C4BPA: variants seen among roughly 807,000 people sequenced by gnomAD.
The protein encoded by C4BPA is C4b-binding protein alpha chain.
Under a neutral mutation model 63.7 loss-of-function variants are expected in C4BPA, and 31 were observed. The observed-to-expected ratio is 0.49, with a 90% CI of 0.37 to 0.66. The LOEUF (loss-of-function observed/expected upper bound fraction) is 0.66. C4BPA is among the 30% of genes least tolerant of loss of function. The probability of loss-of-function intolerance (pLI) is 0.00; values close to 1 mark genes in which losing one functional copy is unlikely to be tolerated. For missense variants in C4BPA, 572 were observed against 723.3 expected, an observed-to-expected ratio of 0.79 and a Z score of 2.40; for synonymous variants, 259 against 254.7, an observed-to-expected ratio of 1.02 and a Z score of -0.16.
intron 7 of C4BPA, 141 bp from the exon 8 acceptor site, chr1:207,131,405 G>A (rs956582853): frequency 1.6e-6 from 1 of 607,440 alleles, no homozygotes; most frequent in African/African-American, 1.9e-5. Context: ...GTTTTCTGGT[G>A]TGGTTGATAC....
chr1:207,111,918 ATTTCT>A (rs1399364619), intron 1 of C4BPA, among the ~76,000 whole-genome samples: 2 of 152,140 alleles, frequency 1.3e-5, no homozygotes, highest in East Asian at 1.9e-4. Context: ...GACAAGGACT[ATTTCT>A]TTTCTTAATT....
chr1:207,113,042 C>A lies in C4BPA; in HGVS notation c.17C>A (p.Thr6Asn). MHPPK[T>N]PSGALHRKRK... ...CAGCAGGCCATGCACCCCCCAAAAA[C>A]TCCATCTGGGGCTCTTCATAGAAAA... Residue 6 changes from threonine (T) to asparagine (N), a missense_variant, in exon 2 of 12, where the codon ACT becomes AAT. This residue lies in a region of C4BPA where 107 missense variants were observed against 93.9 expected (regional missense o/e 1.14). Coordinates refer to ENST00000367070, the MANE Select transcript of C4BPA (RefSeq NM_000715.4). 6.3e-7 allele frequency: 1 copy of A among 1,599,504 alleles called. No individual in the cohort carries two copies. Among genetic ancestry groups the A allele is most frequent in the Middle Eastern group, 1.7e-4 (1 of 6,024 alleles).
At chr1:207,121,439 C>T (rs1168037656) in intron 4 of C4BPA, among the ~76,000 whole-genome samples, 1 of 98,156 alleles carries the variant, frequency 1.0e-5, no homozygotes, top group Non-Finnish European at 2.5e-5. Flanking sequence ...AAATTATTAT[C>T]TTTGGTTTTC....
intron 10 of C4BPA, 97 bp downstream of exon 10, chr1:207,141,373 A>C: frequency 1.1e-6 from 1 of 926,462 alleles, no homozygotes; most frequent in Non-Finnish European, 1.6e-6. Context: ...GCAGCATGAA[A>C]ACATTTGATT....
chr1:207,109,931 G>A (rs1475200992), intron 1 of C4BPA, among the ~76,000 whole-genome samples: 1 of 152,232 alleles, frequency 6.6e-6, no homozygotes, highest in Non-Finnish European at 1.5e-5. Context: ...TACACTGTAA[G>A]GGGAGACACT....
intron 7 of C4BPA, among the ~76,000 whole-genome samples, chr1:207,130,792 T>C (rs942237392): frequency 6.6e-6 from 1 of 152,112 alleles, no homozygotes; most frequent in East Asian, 1.9e-4. Flanking sequence ...TGTCAGGACC[T>C]AGGGGGAGGT....
intron 9 of C4BPA, among the ~76,000 whole-genome samples, chr1:207,138,246 A>G (rs761888803): frequency 6.6e-6 from 1 of 152,206 alleles, no homozygotes; most frequent in Non-Finnish European, 1.5e-5. Flanking sequence ...ACAGGTAGGA[A>G]TTGGGTTTTC....
Position 207,124,219 on chromosome 1 carries a change from A to T in C4BPA, c.559A>T (p.Ser187Cys). The T allele has an allele frequency of 6.2e-7, 1 of 1,613,996 alleles. No individual in the cohort carries two copies. Among genetic ancestry groups the T allele is most frequent in the Non-Finnish European group, 8.5e-7 (1 of 1,179,916 alleles). ...TCCAGACATCAGGAATGGAAGGCAC[A>T]GCGGTGAAGAAAATTTCTACGCATA... is the stretch of plus-strand genomic sequence containing the variant. The part of the protein sequence containing the change: ...PPPDIRNGRH[S>C]GEENFYAYGF... The change falls in exon 6 of 12, where the codon AGC becomes TGC. Residue 187 changes from serine to cysteine, a missense_variant. Physicochemically the swap from Ser to Cys is moderately radical, Grantham distance 112 (BLOSUM62 -1). Around this residue, in one of 2 missense-constraint regions of C4BPA, gnomAD observed 465 missense variants for 629.4 expected, o/e 0.74. Transcript: ENST00000367070.
In C4BPA at chr1:207,127,036, T is replaced by A. The variant is rs2491394; in HGVS notation, c.889+141T>A. On this transcript the variant is annotated intron_variant, in intron 7 of 11. Transcript: ENST00000367070. ...CTAGATCAATAATTTCCTTTATTTT[T>A]TTCTTGTTGGAAAGAAGAATGATTT... 174,644 of 625,276 alleles carry A rather than the reference T, an allele frequency of 0.28. 26,171 individuals are homozygous for A. The highest frequency in any genetic ancestry group is 0.45 in the African/African-American group (24,419 of 53,954). The allele number at this position is 625,276 out of a possible 1,614,324, so 38.7% of individuals were successfully genotyped here.
rs184119890 is a variant in C4BPA, at chr1:207,137,078, G to T, written c.1273+2486G>T. On this transcript the variant is annotated intron_variant, in intron 9 of 11. Coordinates refer to ENST00000367070, the MANE Select transcript of C4BPA (RefSeq NM_000715.4). The stretch of plus-strand genomic sequence containing the variant: ...TACAAAGTATAAAATATCTTGCTTT[G>T]GCCACTTCTTCAGACTTTACCCTCT... 4.1e-3 allele frequency among the ~76,000 whole-genome samples: 629 copies of T among 152,156 alleles called. 2 individuals are homozygous for T. Among genetic ancestry groups the T allele is most frequent in the Admixed American group, 7.6e-3 (116 of 15,292 alleles).
At chr1:207,126,977 T>C (rs1572788518) in intron 7 of C4BPA, 82 bp downstream of exon 7, 1 of 912,226 alleles carries the variant, frequency 1.1e-6, no homozygotes. Context: ...CTTGCATGCA[T>C]AGGCCTACTA....
chr1:207,131,727 C>T lies in C4BPA; in HGVS notation c.1071C>T (p.Tyr357=). Residue 357 remains tyrosine (Y), a synonymous_variant, in exon 8 of 12, where the codon TAC becomes TAT. Coordinates refer to ENST00000367070, the MANE Select transcript of C4BPA (RefSeq NM_000715.4). ...AGAAAAATTTGAGATGGACCCCATA[C>T]CAAGGATGTGAGGGTGAGTTTTTGT... is the stretch of plus-strand genomic sequence containing the variant. ...ICQKNLRWTP[Y]QGCEALCCPE... is the part of the protein sequence containing the mutation. The T allele has an allele frequency of 6.2e-7, 1 of 1,610,720 alleles. No homozygotes were observed. Among genetic ancestry groups the T allele is most frequent in the Non-Finnish European group, 8.5e-7 (1 of 1,178,518 alleles).
chr1:207,139,177 G>A (rs1326174687), intron 9 of C4BPA, among the ~76,000 whole-genome samples: 1 of 152,202 alleles, frequency 6.6e-6, no homozygotes, highest in Non-Finnish European at 1.5e-5. Context: ...CTGAATCAGT[G>A]ACCTCGTTTA....
intron 8 of C4BPA, among the ~76,000 whole-genome samples, chr1:207,133,444 T>C (rs868324227): frequency 2.6e-5 from 4 of 152,326 alleles, no homozygotes; most frequent in Middle Eastern, 3.4e-3. Flanking sequence ...AATATGTCCC[T>C]ATAGCAGCTC....
At chr1:207,125,139 G>A (rs187900037) in intron 6 of C4BPA, among the ~76,000 whole-genome samples, 8 of 152,294 alleles carry the variant, frequency 5.3e-5, no homozygotes, top group South Asian at 2.1e-4. Context: ...ACAATCAGAC[G>A]AGGGGCACAA....
intron 5 of C4BPA, 29 bp from the exon 6 acceptor site, chr1:207,124,146 A>G (rs778351463): frequency 1.9e-5 from 30 of 1,597,204 alleles, no homozygotes; most frequent in Admixed American, 6.7e-5. Flanking sequence ...TTCGCTGAGT[A>G]TTTCTTTCTC....
At chr1:207,117,146 AT>A (rs1429093009) in intron 4 of C4BPA, among the ~76,000 whole-genome samples, 2 of 152,250 alleles carry the variant, frequency 1.3e-5, no homozygotes, top group Admixed American at 1.3e-4. Context: ...TCAGTGTTAG[AT>A]TAGTTTTAAA....
At chr1:207,113,444 A>G (rs970956972) in intron 2 of C4BPA, among the ~76,000 whole-genome samples, 2 of 152,132 alleles carry the variant, frequency 1.3e-5, no homozygotes, top group Non-Finnish European at 2.9e-5. Flanking sequence ...TATATTATCT[A>G]TTACTATGAC....
At chr1:207,114,664 T>C in intron 3 of C4BPA, 1 of 227,834 alleles carries the variant, frequency 4.4e-6, no homozygotes, top group Non-Finnish European at 8.6e-6. Flanking sequence ...TGGTTAATTT[T>C]TCTGTTTTAA....
Sources: gnomAD v4.1 joint callset for allele counts (sites outside exome capture counted in the v4.1 genomes callset) on GRCh38, gnomAD v4.1.1 for gene constraint, gnomAD v4.1.1 regional missense constraint, MANE v1.5 for transcripts, NCBI Gene and HGNC (gene_info 2026-07-23, HGNC 2026-07-21) for gene names.